The following CELF2 variants were observed in gnomAD, a reference collection of about 807,000 sequenced individuals.
CELF2 encodes the protein CUGBP Elav-like family member 2, also known as CUG triplet repeat RNA-binding protein 2.
In CELF2, 8 loss-of-function variants were observed where a neutral mutation model predicts 62.6. That is an observed-to-expected ratio of 0.13 (90% CI 0.07 to 0.23). The LOEUF (loss-of-function observed/expected upper bound fraction) is 0.23. CELF2 is among the 10% of genes least tolerant of loss of function. The pLI, the probability that CELF2 is intolerant of heterozygous loss-of-function variation, is 1.00. For missense variants in CELF2, 333 were observed against 671.0 expected, an observed-to-expected ratio of 0.50 and a Z score of 5.56; for synonymous variants, 258 against 250.0, an observed-to-expected ratio of 1.03 and a Z score of -0.30.
intron 1 of CELF2, among the ~76,000 whole-genome samples, chr10:11,094,531 C>T (rs967257101): frequency 6.6e-6 from 1 of 151,898 alleles, no homozygotes; most frequent in East Asian, 1.9e-4. Flanking sequence ...CTGAAGTGGT[C>T]GACAATAAGG....
chr10:10,837,914 A>G (rs2058412647), intron 1 of CELF2, among the ~76,000 whole-genome samples: 2 of 152,192 alleles, frequency 1.3e-5, no homozygotes, highest in African/African-American at 4.8e-5. Context: ...CCTATTGCTA[A>G]TATCTTGTGT....
At chr10:10,792,676 T>C in the CELF2 span, among the ~76,000 whole-genome samples, 1 of 152,254 alleles carries the variant, frequency 6.6e-6, no homozygotes, top group Non-Finnish European at 1.5e-5. Flanking sequence ...CCTTTGGGTA[T>C]TCCTTTGTCC....
chr10:11,232,681 A>G (rs192716804), intron 3 of CELF2, among the ~76,000 whole-genome samples: 77 of 152,334 alleles, frequency 5.1e-4, no homozygotes, highest in African/African-American at 1.8e-3. Flanking sequence ...GATTTCAAGG[A>G]CACACCACGC....
At chr10:10,589,116 T>A in the CELF2 span, among the ~76,000 whole-genome samples, 6 of 152,172 alleles carry the variant, frequency 3.9e-5, no homozygotes, top group Admixed American at 2.6e-4. Flanking sequence ...AGATGTACGA[T>A]GTACATTGGT....
At chr10:10,524,335 T>C in the CELF2 span, among the ~76,000 whole-genome samples, 1 of 151,598 alleles carries the variant, frequency 6.6e-6, no homozygotes, top group Non-Finnish European at 1.5e-5. Context: ...CACAGATCTC[T>C]TCCTATTTGT....
chr10:10,903,090 A>G (rs1301881272), intron 1 of CELF2, among the ~76,000 whole-genome samples: 1 of 152,170 alleles, frequency 6.6e-6, no homozygotes, highest in Non-Finnish European at 1.5e-5. Context: ...GAGGAAAGTG[A>G]GATTTCTTTG....
chr10:11,261,616 T>G (rs554907948), intron 5 of CELF2, among the ~76,000 whole-genome samples: 15 of 152,308 alleles, frequency 9.8e-5, no homozygotes. Flanking sequence ...CTTCCTGGCT[T>G]GAGGCAGCGT....
chr10:11,178,834 A>G lies in CELF2; in HGVS notation c.271+13152A>G, dbSNP rs2072214351. 1.3e-5 allele frequency among the ~76,000 whole-genome samples: 2 copies of G among 152,188 alleles called. No individual in the cohort carries two copies. Among genetic ancestry groups the G allele is most frequent in the Non-Finnish European group, 2.9e-5 (2 of 68,032 alleles). ...GAGCTGAGTGAGTCTATGAAAACCC[A>G]TTGGTCGGGCTGCCCTAGCAACACA... On this transcript the variant is annotated intron_variant, in intron 2 of 12. Transcript: ENST00000633077. The surrounding 1 kb of genome is among the most constrained non-coding windows in gnomAD (Gnocchi z 4.3).
chr10:10,732,616 C>A, the CELF2 span, among the ~76,000 whole-genome samples: 1 of 151,326 alleles, frequency 6.6e-6, no homozygotes, highest in Non-Finnish European at 1.5e-5. Flanking sequence ...CTCTGTCTCC[C>A]GGGTTCAAGC....
At chr10:10,824,857 G>A (rs1364011307) in intron 1 of CELF2, among the ~76,000 whole-genome samples, 1 of 152,104 alleles carries the variant, frequency 6.6e-6, no homozygotes, top group African/African-American at 2.4e-5. Flanking sequence ...AGCACTCATC[G>A]ACACCTCTTT....
rs997762607 is a variant in CELF2, at chr10:11,073,222, A to G, written c.74+55059A>G. Among the ~76,000 whole-genome samples the G allele has an allele frequency of 3.9e-5, 6 of 152,198 alleles. No individual in the cohort carries two copies. In the East Asian group the frequency reaches 9.6e-4, roughly 24 times the overall value. The stretch of plus-strand genomic sequence containing the variant: ...GCCTCCTGTACTGCCCTCACTGTAG[A>G]AGAAACTATCCCTTAAGCTTTGACA... On this transcript the variant is annotated intron_variant, in intron 1 of 12. Transcript: ENST00000633077.
At chr10:11,310,999 T>C (rs1390639227) in intron 9 of CELF2, among the ~76,000 whole-genome samples, 1 of 152,158 alleles carries the variant, frequency 6.6e-6, no homozygotes, top group African/African-American at 2.4e-5. Context: ...TAAATTCTAA[T>C]AACTGTTCGC....
At chr10:11,088,322 T>C (rs893979467) in intron 1 of CELF2, among the ~76,000 whole-genome samples, 6 of 152,200 alleles carry the variant, frequency 3.9e-5, no homozygotes, top group African/African-American at 1.4e-4. Flanking sequence ...TAGAGGGCAG[T>C]GACCAATCCA....
At chr10:11,095,985 G>A (rs2049762026) in intron 1 of CELF2, among the ~76,000 whole-genome samples, 1 of 152,118 alleles carries the variant, frequency 6.6e-6, no homozygotes, top group East Asian at 1.9e-4. Context: ...ATGAAAGTAT[G>A]TCTGGACACC....
At chr10:11,022,753 A>C (rs913644267) in intron 1 of CELF2, among the ~76,000 whole-genome samples, 2 of 152,212 alleles carry the variant, frequency 1.3e-5, no homozygotes, top group African/African-American at 4.8e-5. Context: ...TAATACAGCC[A>C]GCGCCCAATA....
intron 2 of CELF2, among the ~76,000 whole-genome samples, chr10:10,979,220 A>G (rs749933259): frequency 2.6e-5 from 4 of 152,142 alleles, no homozygotes; most frequent in Non-Finnish European, 5.9e-5. Context: ...TAACATTTCT[A>G]TTCTCTTGAC....
At chr10:10,948,155 C>T (rs1324648914) in intron 2 of CELF2, 2 of 152,248 alleles carry the variant, frequency 1.3e-5, no homozygotes, top group Non-Finnish European at 2.9e-5. Context: ...AAACCACTTC[C>T]ATAATACAGC....
chr10:11,194,691 T>C (rs1588762135), intron 2 of CELF2, among the ~76,000 whole-genome samples: 1 of 152,236 alleles, frequency 6.6e-6, no homozygotes, highest in South Asian at 2.1e-4. Context: ...ATTCGGCTAT[T>C]TTACTGTGAA....
chr10:11,136,251 AT>A (rs1252306609), intron 1 of CELF2, among the ~76,000 whole-genome samples: 1 of 152,200 alleles, frequency 6.6e-6, no homozygotes, highest in East Asian at 1.9e-4. Flanking sequence ...GATAGAGAAT[AT>A]AGCATGGTTC....
Sources: gnomAD v4.1 joint callset for allele counts (sites outside exome capture counted in the v4.1 genomes callset) on GRCh38, gnomAD v4.1.1 for gene constraint, Gnocchi (gnomAD v3.1) non-coding constraint, MANE v1.5 for transcripts, NCBI Gene and HGNC (gene_info 2026-07-23, HGNC 2026-07-21) for gene names.